Variants in HIF3A observed in about 807,000 individuals in gnomAD.
HIF3A encodes hypoxia inducible factor 3 subunit alpha.
Under a neutral mutation model 67.2 loss-of-function variants are expected in HIF3A, and 41 were observed. The ratio of observed to expected loss-of-function variants is 0.61; its 90% CI spans 0.48 to 0.79. The LOEUF is 0.79. Ranked by LOEUF, HIF3A falls within the 30% of genes least tolerant of loss-of-function variation. The pLI is 0.00. For synonymous variants in HIF3A, 356 were observed against 374.8 expected, an observed-to-expected ratio of 0.95 and a Z score of 0.58; for missense variants, 855 against 898.0, an observed-to-expected ratio of 0.95 and a Z score of 0.61.
At chr19:46,317,575 C>G (rs543814614) in intron 8 of HIF3A, among the ~76,000 whole-genome samples, 24 of 152,064 alleles carry the variant, frequency 1.6e-4, no homozygotes, top group Admixed American at 5.2e-4. Context: ...CTCCTTTCTC[C>G]TGAGTCATGC....
intron 4 of HIF3A, 69 bp downstream of exon 4, chr19:46,308,374 C>T (rs986317719): frequency 5.4e-6 from 5 of 929,092 alleles, no homozygotes; most frequent in Non-Finnish European, 8.6e-6. Context: ...CCTCCCTCAG[C>T]ATATCCCCAC....
chr19:46,312,053 G>T lies in HIF3A; in HGVS notation c.771-108G>T. The T allele has an allele frequency of 2.4e-6, 2 of 840,668 alleles. No individual in the cohort carries two copies. Among genetic ancestry groups the T allele is most frequent in the South Asian group, 1.3e-5 (1 of 75,506 alleles). 52.1% of individuals were successfully genotyped at this position (840,668 alleles called of 1,614,324 possible). A position where few individuals can be genotyped will look rare whatever the true frequency, so the allele number is the denominator to read the frequency against. On this transcript the variant is annotated intron_variant, in intron 6 of 14. Transcript: ENST00000377670. ...TTTTCTCTCGGTTACAATCCTTCTC[G>T]ACATCTTGCTGGCTTTGTTCCTGTG...
At chr19:46,313,052 C>A in intron 8 of HIF3A, 1 of 885,268 alleles carries the variant, frequency 1.1e-6, no homozygotes, top group Non-Finnish European at 1.4e-6. Flanking sequence ...GAGTTCGAAA[C>A]CAGCCTGGGC....
rs145463725 is a variant in HIF3A at position 46,309,195 on chromosome 19, G to A, written c.606G>A (p.Ala202=). The A allele has an allele frequency of 1.7e-5, 27 of 1,614,066 alleles. No individual in the cohort carries two copies. The highest frequency in any genetic ancestry group is 4.5e-5 in the East Asian group (2 of 44,862). The change falls in exon 6 of 15, where the codon GCG becomes GCA. Residue 202 remains alanine (A), a synonymous_variant. Transcript: ENST00000377670. ...SGHMRAYKPP[A]QTSPAGSPDS... is the part of the protein sequence containing the mutation. ...ATATGAGGGCCTACAAGCCACCTGC[G>A]CAGACTTCTCCAGCTGGGAGCCCTG...
Position 46,312,522 on chromosome 19 carries a change from G to A in HIF3A, c.894G>A (p.Gln298=), listed in dbSNP as rs1274358321. 4 of 1,613,928 alleles carry A rather than the reference G, an allele frequency of 2.5e-6. No individual in the cohort carries two copies. Among genetic ancestry groups the A allele is most frequent in the Middle Eastern group, 1.6e-4 (1 of 6,084 alleles). ...CCTCCTCAGTGCTGAGCAAGGGCCA[G>A]GCAGTAACAGGGCAGTATCGCTTCC... ...KSIHTLLSKG[Q]AVTGQYRFLA... Residue 298 remains glutamine, a synonymous_variant, in exon 8 of 15, where the codon CAG becomes CAA. Transcript: ENST00000377670.
intron 8 of HIF3A, among the ~76,000 whole-genome samples, chr19:46,317,122 T>G (rs1461161797): frequency 1.3e-5 from 2 of 152,086 alleles, no homozygotes; most frequent in Non-Finnish European, 2.9e-5. Flanking sequence ...AGTTTCATCA[T>G]GTTGCCCAGG....
At chr19:46,305,430 G>A in intron 3 of HIF3A, 40 bp downstream of exon 3, 1 of 1,595,288 alleles carries the variant, frequency 6.3e-7, no homozygotes, top group East Asian at 2.2e-5. Flanking sequence ...CCCTGTACTG[G>A]TGATGCTGGG....
intron 14 of HIF3A, among the ~76,000 whole-genome samples, chr19:46,336,249 C>T (rs1049115199): frequency 2.0e-5 from 3 of 151,772 alleles, no homozygotes; most frequent in African/African-American, 4.8e-5. Context: ...CCCGCCACCT[C>T]GCCTGGCAAA....
intron 6 of HIF3A, among the ~76,000 whole-genome samples, chr19:46,311,810 A>T (rs894136612): frequency 1.3e-5 from 2 of 152,158 alleles, no homozygotes; most frequent in Non-Finnish European, 2.9e-5. Flanking sequence ...GTGGTGAGCC[A>T]TGATTGAACC....
In HIF3A at chr19:46,309,192, T is replaced by C. The variant is rs1969198452; in HGVS notation, c.603T>C (p.Pro201=). The C allele has an allele frequency of 3.7e-6, 6 of 1,613,970 alleles. No homozygotes were observed. In the African/African-American group the frequency reaches 6.7e-5, roughly 18 times the overall value. The change falls in exon 6 of 15, where the codon CCT becomes CCC. Residue 201 remains proline, a synonymous_variant. Transcript: ENST00000377670. ...CSGHMRAYKP[P]AQTSPAGSPD... The stretch of plus-strand genomic sequence containing the variant: ...GACATATGAGGGCCTACAAGCCACC[T>C]GCGCAGACTTCTCCAGCTGGGAGCC...
chr19:46,319,754 C>T (rs1281149981), intron 8 of HIF3A, among the ~76,000 whole-genome samples: 1 of 152,086 alleles, frequency 6.6e-6, no homozygotes, highest in South Asian at 2.1e-4. Flanking sequence ...CGCTCTTTGC[C>T]CCTGGGCCTC....
At chr19:46,308,156 G>A in intron 3 of HIF3A, 65 bp from the exon 4 acceptor site, 2 of 988,234 alleles carry the variant, frequency 2.0e-6, no homozygotes, top group Admixed American at 1.7e-5. Flanking sequence ...GCAGGGGAAT[G>A]AGGATGGGAT....
chr19:46,325,673 C>G, intron 11 of HIF3A, 34 bp downstream of exon 11: 1 of 1,416,642 alleles, frequency 7.1e-7, no homozygotes, highest in Non-Finnish European at 1.0e-6. Flanking sequence ...TAATCCTCAG[C>G]CCTGTGTTCT....
chr19:46,313,664 A>ATT (rs34143893), intron 8 of HIF3A, among the ~76,000 whole-genome samples: 93,151 of 130,528 alleles, frequency 0.71, 33,995 homozygotes, highest in Non-Finnish European at 0.79. Context: ...AATTACCACG[A>ATT]TTTTTTTTTT....
chr19:46,328,186 A>G (rs1217755595), intron 11 of HIF3A, among the ~76,000 whole-genome samples: 5 of 152,172 alleles, frequency 3.3e-5, no homozygotes, highest in Non-Finnish European at 5.9e-5. Flanking sequence ...ATTAGCAAAA[A>G]CTATCTAGGG....
At chr19:46,298,206 C>T in intron 1 of HIF3A, 2 of 299,422 alleles carry the variant, frequency 6.7e-6, no homozygotes, top group South Asian at 4.8e-5. Flanking sequence ...ATGTTTCTAA[C>T]CGCCCCCATC....
chr19:46,297,875 T>C lies in HIF3A; in HGVS notation c.26+773T>C, dbSNP rs1364977875. On this transcript the variant is annotated intron_variant, in intron 1 of 14. Transcript: ENST00000377670. This position sits in a 1 kb window ranked among gnomAD's most constrained non-coding sequence, Gnocchi z 4.5. ...AGGGGAGCCTCATCCAAGCTTTATTTTGGGGAGACTCCATGGCAGGGTGCT... is the reference window on the plus strand; with the variant it reads ...AGGGGAGCCTCATCCAAGCTTTATTCTGGGGAGACTCCATGGCAGGGTGCT... Among the ~76,000 whole-genome samples the C allele has an allele frequency of 6.6e-6, 1 of 151,948 alleles. No homozygotes were observed. The highest frequency in any genetic ancestry group is 1.9e-4 in the East Asian group (1 of 5,152).
chr19:46,333,476 G>A lies in HIF3A; in HGVS notation c.1831-1429G>A, dbSNP rs575848749. Among the ~76,000 whole-genome samples, 6 of 152,272 alleles carry A rather than the reference G, an allele frequency of 3.9e-5. No individual in the cohort carries two copies. The East Asian group carries it at 1.2e-3, about 29-fold the overall frequency. On this transcript the variant is annotated intron_variant, in intron 13 of 14. Transcript: ENST00000377670. ...TGGAGGGACACCGCCAACTCACAGAGAAGAATAAATACCCTACCTGCTGGT... is the reference window on the plus strand; with the variant it reads ...TGGAGGGACACCGCCAACTCACAGAAAAGAATAAATACCCTACCTGCTGGT...
chr19:46,317,939 A>G (rs1434885663), intron 8 of HIF3A, among the ~76,000 whole-genome samples: 1 of 151,932 alleles, frequency 6.6e-6, no homozygotes, highest in Non-Finnish European at 1.5e-5. Context: ...CCCGGGTTCA[A>G]GTGATTCTCC....
Sources: allele counts gnomAD v4.1 joint callset (sites outside exome capture counted in the v4.1 genomes callset), GRCh38; gene constraint gnomAD v4.1.1; non-coding constraint Gnocchi (gnomAD v3.1); transcripts MANE v1.5; gene names NCBI Gene and HGNC (gene_info 2026-07-23, HGNC 2026-07-21).